Variants in PTPRT observed in about 807,000 individuals in gnomAD.
PTPRT encodes protein tyrosine phosphatase receptor type T.
Under a neutral mutation model 176.8 loss-of-function variants are expected in PTPRT, and 56 were observed. The ratio of observed to expected loss-of-function variants is 0.32; its 90% confidence interval spans 0.26 to 0.40. The LOEUF is 0.40. Among genes scored for constraint, PTPRT ranks in the 10% least tolerant of loss-of-function variants. The pLI is 1.00. For missense variants in PTPRT, 1,540 were observed against 1,908.2 expected, an observed-to-expected ratio of 0.81 and a Z score of 3.60; for synonymous variants, 783 against 739.0, an observed-to-expected ratio of 1.06 and a Z score of -0.96.
chr20:43,085,057 C>T (rs1337455486), intron 1 of PTPRT, among the ~76,000 whole-genome samples: 1 of 152,166 alleles, frequency 6.6e-6, no homozygotes, highest in South Asian at 2.1e-4. Flanking sequence ...AAAGATCATA[C>T]ATACATTGTT....
At chr20:42,832,315 C>T (rs1288163199) in intron 2 of PTPRT, among the ~76,000 whole-genome samples, 2 of 152,040 alleles carry the variant, frequency 1.3e-5, no homozygotes, top group Admixed American at 6.5e-5. Context: ...ATGATGAGAA[C>T]ACATGGACAC....
chr20:42,897,836 G>A (rs2079330712), intron 1 of PTPRT, among the ~76,000 whole-genome samples: 1 of 152,138 alleles, frequency 6.6e-6, no homozygotes, highest in African/African-American at 2.4e-5. Context: ...GCTGTTATGA[G>A]GATTGGGTAA....
intron 7 of PTPRT, among the ~76,000 whole-genome samples, chr20:42,578,036 C>G (rs1185160943): frequency 1.3e-5 from 2 of 151,568 alleles, no homozygotes; most frequent in African/African-American, 2.4e-5. Flanking sequence ...GAAGGCAGAG[C>G]CCATCTGACC....
rs138660921 is a variant in PTPRT, at chr20:42,358,772, C to T, written c.1561-6487G>A. On this transcript the variant is annotated intron_variant, in intron 9 of 30. Transcript: ENST00000373187. ...CTGCCTTTGTGAGAAGAAGAAGATA[C>T]GCTTTTCTTGGTGCCCAGTCATATT... 1.2e-3 allele frequency among the ~76,000 whole-genome samples: 176 copies of T among 152,322 alleles called. 2 individuals are homozygous for T. Among genetic ancestry groups the T allele is most frequent in the African/African-American group, 3.6e-3 (149 of 41,572 alleles).
intron 7 of PTPRT, among the ~76,000 whole-genome samples, chr20:42,519,565 T>C (rs1313044677): frequency 6.6e-6 from 1 of 152,134 alleles, no homozygotes; most frequent in Admixed American, 6.6e-5. Flanking sequence ...ATTACTAATC[T>C]ACATTTAATA....
chr20:42,207,078 G>A (rs887429719), intron 15 of PTPRT, among the ~76,000 whole-genome samples: 1 of 151,932 alleles, frequency 6.6e-6, no homozygotes, highest in Non-Finnish European at 1.5e-5. Flanking sequence ...TGCAGCTGAG[G>A]GTCCTATCTG....
At chr20:42,270,440 G>T (rs1291446155) in intron 13 of PTPRT, 2 of 1,550,940 alleles carry the variant, frequency 1.3e-6, no homozygotes, top group Non-Finnish European at 1.7e-6. Context: ...TCACCTGGGC[G>T]CTGCCCATTG....
chr20:42,904,927 T>G (rs2079454484), intron 1 of PTPRT, among the ~76,000 whole-genome samples: 1 of 152,200 alleles, frequency 6.6e-6, no homozygotes, highest in Non-Finnish European at 1.5e-5. Context: ...CAAGATGGAT[T>G]AAAGACTTAA....
chr20:43,018,092 G>A (rs930051860), intron 1 of PTPRT, among the ~76,000 whole-genome samples: 2 of 152,214 alleles, frequency 1.3e-5, no homozygotes, highest in African/African-American at 4.8e-5. Context: ...GCAGTTCAGA[G>A]AGGTTGAGGG....
chr20:42,252,806 G>A (rs2056569381), intron 13 of PTPRT, among the ~76,000 whole-genome samples: 2 of 152,240 alleles, frequency 1.3e-5, no homozygotes, highest in South Asian at 4.1e-4. Flanking sequence ...AAAGTCCAGA[G>A]CCTAGAGGTT....
chr20:42,772,239 C>T (rs1555912244), intron 4 of PTPRT, among the ~76,000 whole-genome samples: 1 of 152,204 alleles, frequency 6.6e-6, no homozygotes, highest in Non-Finnish European at 1.5e-5. Context: ...CATGCAGTGT[C>T]TCTCTGCAGT....
chr20:42,316,746 A>C (rs77475097), intron 11 of PTPRT, among the ~76,000 whole-genome samples: 4,540 of 152,170 alleles, frequency 0.03, 225 homozygotes, highest in African/African-American at 0.1. Context: ...ATCTCACCTC[A>C]TGCATTACTG....
chr20:42,790,838 G>A lies in PTPRT; in HGVS notation c.486+357C>T, dbSNP rs553644273. Among the ~76,000 whole-genome samples, 9 of 152,122 alleles carry A rather than the reference G, an allele frequency of 5.9e-5. No individual in the cohort carries two copies. In the East Asian group the frequency reaches 1.2e-3, roughly 20 times the overall value. ...CTTTTACGAGTTATTTCATCTCTCC[G>A]AACCTCAATCTTTTCATCCATAAAA... On this transcript the variant is annotated intron_variant, in intron 3 of 30. Coordinates refer to ENST00000373187, the MANE Select transcript of PTPRT (RefSeq NM_007050.6).
chr20:42,295,173 C>A (rs1190026409), intron 12 of PTPRT, among the ~76,000 whole-genome samples: 1 of 152,186 alleles, frequency 6.6e-6, no homozygotes, highest in Non-Finnish European at 1.5e-5. Context: ...CTCCAAGACA[C>A]AGCCTAGTAA....
At chr20:42,993,090 T>C (rs770985167) in intron 1 of PTPRT, among the ~76,000 whole-genome samples, 16 of 152,092 alleles carry the variant, frequency 1.1e-4, no homozygotes, top group Non-Finnish European at 1.8e-4. Context: ...AACTGAGGCA[T>C]GACGAGCTTC....
intron 22 of PTPRT, 102 bp downstream of exon 22, chr20:42,115,097 G>C: frequency 1.2e-6 from 1 of 824,896 alleles, no homozygotes; most frequent in East Asian, 2.5e-5. Context: ...GCCAAGTATG[G>C]GGCTGGACGT....
At chr20:42,369,772 C>A (rs969653268) in intron 9 of PTPRT, among the ~76,000 whole-genome samples, 6 of 152,132 alleles carry the variant, frequency 3.9e-5, no homozygotes, top group African/African-American at 1.4e-4. Context: ...GGAAGAGAAG[C>A]CTGGGTATCG....
chr20:42,225,695 C>G (rs1297180493), intron 15 of PTPRT, among the ~76,000 whole-genome samples: 1 of 152,152 alleles, frequency 6.6e-6, no homozygotes, highest in African/African-American at 2.4e-5. Context: ...CTTTGTCGCC[C>G]AGGCTGGAGC....
intron 12 of PTPRT, among the ~76,000 whole-genome samples, chr20:42,295,273 A>T (rs944097567): frequency 6.6e-6 from 1 of 152,224 alleles, no homozygotes; most frequent in African/African-American, 2.4e-5. Flanking sequence ...ATACTTCTCA[A>T]AAACAGCATG....
Sources: allele counts gnomAD v4.1 joint callset (sites outside exome capture counted in the v4.1 genomes callset), GRCh38; gene constraint gnomAD v4.1.1; transcripts MANE v1.5; gene names NCBI Gene and HGNC (gene_info 2026-07-23, HGNC 2026-07-21).